KLF17: variants seen among roughly 807,000 people sequenced by gnomAD.
The protein encoded by KLF17 is KLF transcription factor 17.
Under a neutral mutation model 34.2 loss-of-function variants are expected in KLF17, and 31 were observed. That is an observed-to-expected ratio of 0.91 (90% CI 0.68 to 1.22). The LOEUF is 1.22. KLF17 is among the 50% of genes most tolerant of loss of function. The pLI is 0.00. For synonymous variants in KLF17, 179 were observed against 186.7 expected, an observed-to-expected ratio of 0.96 and a Z score of 0.34; for missense variants, 478 against 505.2, an observed-to-expected ratio of 0.95 and a Z score of 0.52.
At chr1:44,053,067 T>G in the KLF17 span, among the ~76,000 whole-genome samples, 2 of 151,908 alleles carry the variant, frequency 1.3e-5, no homozygotes, top group Admixed American at 1.3e-4. Context: ...GACCAACTAA[T>G]TTTTTGTATT....
At chr1:44,127,336 C>A (rs2088020693) in intron 1 of KLF17, among the ~76,000 whole-genome samples, 1 of 152,158 alleles carries the variant, frequency 6.6e-6, no homozygotes, top group Non-Finnish European at 1.5e-5. Context: ...TCACTCAGGT[C>A]AAGAAATAGA....
the KLF17 span, among the ~76,000 whole-genome samples, chr1:44,054,353 G>A: frequency 6.6e-6 from 1 of 152,116 alleles, no homozygotes; most frequent in Non-Finnish European, 1.5e-5. Context: ...GTTAGTGGCT[G>A]CTTTAGGCCC....
intron 1 of KLF17, chr1:44,122,117 T>A (rs777912742): frequency 7.8e-7 from 1 of 1,285,032 alleles, no homozygotes; most frequent in Non-Finnish European, 1.1e-6. Context: ...ATATCCCAAA[T>A]CCCGTATGAC....
the KLF17 span, among the ~76,000 whole-genome samples, chr1:44,049,626 G>C: frequency 6.6e-6 from 1 of 152,190 alleles, no homozygotes; most frequent in Admixed American, 6.5e-5. Context: ...GGGACTACAG[G>C]CATGTGCCAC....
At chr1:44,099,981 A>G in the KLF17 span, among the ~76,000 whole-genome samples, 1 of 151,076 alleles carries the variant, frequency 6.6e-6, no homozygotes, top group Non-Finnish European at 1.5e-5. Flanking sequence ...TCACGCCTGT[A>G]ATCTCAGCAC....
the KLF17 span, among the ~76,000 whole-genome samples, chr1:44,092,511 A>G: frequency 6.6e-6 from 1 of 152,212 alleles, no homozygotes; most frequent in African/African-American, 2.4e-5. Context: ...GAACATTTCT[A>G]CATTTCCCCC....
chr1:44,100,463 A>T, the KLF17 span, among the ~76,000 whole-genome samples: 1 of 152,168 alleles, frequency 6.6e-6, no homozygotes, highest in Non-Finnish European at 1.5e-5. Flanking sequence ...AAAAACAAGT[A>T]AAAATCTAAG....
chr1:44,086,041 G>A, the KLF17 span, among the ~76,000 whole-genome samples: 1 of 152,138 alleles, frequency 6.6e-6, no homozygotes, highest in Non-Finnish European at 1.5e-5. Flanking sequence ...CCAGTAAGAC[G>A]GGAAGCAAGA....
At chr1:44,115,247 C>G (rs1306863668), upstream of KLF17, 1 of 151,888 alleles carries the variant, frequency 6.6e-6, no homozygotes, top group African/African-American at 2.4e-5. Context: ...TCGAGACCAT[C>G]CTGGCTAACA....
At chr1:44,094,219 G>A in the KLF17 span, among the ~76,000 whole-genome samples, 7 of 151,798 alleles carry the variant, frequency 4.6e-5, no homozygotes, top group Non-Finnish European at 8.8e-5. Context: ...TGAGTTGCTT[G>A]AACTCCTTAT....
At chr1:44,095,666 A>AT in the KLF17 span, among the ~76,000 whole-genome samples, 3 of 152,060 alleles carry the variant, frequency 2.0e-5, no homozygotes, top group Admixed American at 2.0e-4. Context: ...ATATCTTTCC[A>AT]TTTTTTGGTA....
At chr1:44,046,230 T>C in the KLF17 span, 1 of 151,002 alleles carries the variant, frequency 6.6e-6, no homozygotes, top group African/African-American at 2.4e-5. Flanking sequence ...TTTTTTTTTT[T>C]TGAGACAGAG....
At chr1:44,122,431 T>C in intron 1 of KLF17, 2 of 1,429,054 alleles carry the variant, frequency 1.4e-6, no homozygotes, top group South Asian at 2.3e-5. Context: ...CCTGTGACTG[T>C]TCCATGGACC....
chr1:44,114,898 A>G (rs901241228), upstream of KLF17: 4 of 152,210 alleles, frequency 2.6e-5, no homozygotes, highest in African/African-American at 7.2e-5. Flanking sequence ...CGATCCTTTA[A>G]TAAATATTGC....
rs1189416943 is a variant in KLF17, at chr1:44,119,002, C to T, written c.81+14C>T. 6.3e-7 allele frequency: 1 copy of T among 1,593,450 alleles called. No individual in the cohort carries two copies. Among genetic ancestry groups the T allele is most frequent in the East Asian group, 2.3e-5 (1 of 43,816 alleles). On this transcript the variant is annotated intron_variant, in intron 1 of 3. Coordinates refer to ENST00000372299, the MANE Select transcript of KLF17 (RefSeq NM_173484.4). ...CAGGCTGCCCAGGTGAGTCAGGTGC[C>T]AGCCCCTGGCAGGCCGGGCGGGCCC...
chr1:44,133,168 G>A (rs1400014209), intron 3 of KLF17, 70 bp from the exon 4 acceptor site: 1 of 152,262 alleles, frequency 6.6e-6, no homozygotes, highest in African/African-American at 2.4e-5. Flanking sequence ...CTCTCTGGAG[G>A]AGGTAATCCC....
chr1:44,109,865 C>T, the KLF17 span, among the ~76,000 whole-genome samples: 1 of 151,482 alleles, frequency 6.6e-6, no homozygotes, highest in Non-Finnish European at 1.5e-5. Context: ...ATAATATGAC[C>T]CCCACAGCCA....
the KLF17 span, among the ~76,000 whole-genome samples, chr1:44,055,606 C>T: frequency 2.0e-5 from 3 of 152,168 alleles, no homozygotes; most frequent in African/African-American, 7.2e-5. Flanking sequence ...AGGAGATGCT[C>T]TTCCCGCCAC....
the KLF17 span, among the ~76,000 whole-genome samples, chr1:44,081,650 A>G: frequency 6.6e-6 from 1 of 151,756 alleles, no homozygotes; most frequent in African/African-American, 2.4e-5. Context: ...TGAACTCGTG[A>G]CCTCAAGTGA....
Sources: gnomAD v4.1 joint callset for allele counts (sites outside exome capture counted in the v4.1 genomes callset) on GRCh38, gnomAD v4.1.1 for gene constraint, MANE v1.5 for transcripts, NCBI Gene and HGNC (gene_info 2026-07-23, HGNC 2026-07-21) for gene names.